The following CHN1 variants were observed in gnomAD, a reference collection of about 807,000 sequenced individuals.
CHN1 encodes the protein N-chimaerin.
In CHN1, 37 loss-of-function variants were observed where a neutral mutation model predicts 59.5. That is an observed-to-expected ratio of 0.62 (90% confidence interval 0.48 to 0.82). The LOEUF (loss-of-function observed/expected upper bound fraction) is 0.82. CHN1 is among the 40% of genes least tolerant of loss of function. The pLI is 0.00. For missense variants in CHN1, 469 were observed against 571.0 expected (o/e 0.82, Z 1.82); for synonymous variants, 206 against 200.4 (o/e 1.03, Z -0.24).
chr2:174,903,601 C>A (rs1688455402), intron 5 of CHN1, among the ~76,000 whole-genome samples: 1 of 151,896 alleles, frequency 6.6e-6, no homozygotes, highest in Admixed American at 6.6e-5. Flanking sequence ...AATTTTTTAA[C>A]CATATCTATG....
intron 6 of CHN1, among the ~76,000 whole-genome samples, chr2:174,860,591 G>A (rs937179634): frequency 6.6e-6 from 1 of 152,104 alleles, no homozygotes; most frequent in Non-Finnish European, 1.5e-5. Flanking sequence ...TAATGAAACT[G>A]TAGCTTCATA....
At chr2:174,990,284 A>C (rs1370321772) in intron 1 of CHN1, among the ~76,000 whole-genome samples, 1 of 91,228 alleles carries the variant, frequency 1.1e-5, no homozygotes, top group Non-Finnish European at 2.2e-5. Flanking sequence ...AGAGAGAGAG[A>C]GAGCGCGAGC....
intron 6 of CHN1, among the ~76,000 whole-genome samples, chr2:174,873,341 T>A (rs1028964210): frequency 2.9e-4 from 44 of 152,098 alleles, no homozygotes; most frequent in African/African-American, 1.0e-3. Flanking sequence ...GAACAAGGAA[T>A]GACAAAAAAG....
At chr2:174,817,206 T>C (rs1209711109) in intron 8 of CHN1, among the ~76,000 whole-genome samples, 2 of 152,254 alleles carry the variant, frequency 1.3e-5, no homozygotes, top group South Asian at 4.1e-4. Flanking sequence ...CCATTATTCA[T>C]TGTATAGACT....
At chr2:174,927,636 C>T (rs886417107) in intron 3 of CHN1, among the ~76,000 whole-genome samples, 1 of 152,042 alleles carries the variant, frequency 6.6e-6, no homozygotes, top group Non-Finnish European at 1.5e-5. Context: ...CAGTTCAAGA[C>T]AGTAGTCCAA....
rs5836474 is a variant in CHN1, at chr2:174,815,589, CTT to C, written c.713-3109_713-3108del. Among the ~76,000 whole-genome samples, 434 of 127,574 alleles carry C rather than the reference CTT, an allele frequency of 3.4e-3. 4 individuals carry two copies. The highest frequency in any genetic ancestry group is 0.011 in the African/African-American group (409 of 35,670). 83.7% of individuals were successfully genotyped at this position (127,574 alleles called of 152,430 possible). A position where few individuals can be genotyped will look rare whatever the true frequency, so the allele number is the denominator to read the frequency against. ...ATATCTATTTCTTTTCGGATATTTC[CTT>C]TTTTTTTTTTTTTCATTTGTTTCAA... On this transcript the variant is annotated intron_variant, in intron 8 of 12. Transcript: ENST00000409900.
At chr2:174,914,472 T>A (rs1406097132) in intron 5 of CHN1, among the ~76,000 whole-genome samples, 1 of 152,094 alleles carries the variant, frequency 6.6e-6, no homozygotes, top group African/African-American at 2.4e-5. Context: ...ATTCAAGAAA[T>A]TGACGGAAGC....
chr2:174,947,389 C>T (rs1689872477), intron 2 of CHN1, among the ~76,000 whole-genome samples: 1 of 152,044 alleles, frequency 6.6e-6, no homozygotes, highest in Non-Finnish European at 1.5e-5. Context: ...AAGGATAAAG[C>T]TCTGTTTCAT....
intron 5 of CHN1, among the ~76,000 whole-genome samples, chr2:174,887,484 T>C (rs1687927227): frequency 6.6e-6 from 1 of 152,124 alleles, no homozygotes. Flanking sequence ...CCAGTGTCTC[T>C]AGGAGGTATT....
intron 6 of CHN1, chr2:174,875,742 G>T: frequency 1.2e-6 from 1 of 825,152 alleles, no homozygotes; most frequent in African/African-American, 1.8e-5. Flanking sequence ...CCATACTAGT[G>T]TCAATAGATA....
intron 1 of CHN1, among the ~76,000 whole-genome samples, chr2:174,975,662 A>C (rs866465155): frequency 1.3e-5 from 2 of 152,196 alleles, no homozygotes; most frequent in African/African-American, 4.8e-5. Flanking sequence ...AAACAAAAAA[A>C]AAAAAAACAG....
intron 5 of CHN1, among the ~76,000 whole-genome samples, chr2:174,906,712 C>T (rs761550175): frequency 6.6e-6 from 1 of 152,124 alleles, no homozygotes; most frequent in African/African-American, 2.4e-5. Context: ...GCTTGGTTGC[C>T]TTCAGTAGAT....
At chr2:175,003,830 T>C (rs1054333378) in intron 1 of CHN1, among the ~76,000 whole-genome samples, 4 of 152,206 alleles carry the variant, frequency 2.6e-5, no homozygotes, top group African/African-American at 9.7e-5. Context: ...ACAACCTCTC[T>C]GGGTCTAAGT....
At chr2:174,952,743 C>A (rs1011837202) in intron 1 of CHN1, among the ~76,000 whole-genome samples, 3 of 152,140 alleles carry the variant, frequency 2.0e-5, no homozygotes, top group Non-Finnish European at 1.5e-5. Context: ...CAATCAAAAC[C>A]AGGAAATGAG....
chr2:174,978,708 T>A (rs1691036788), intron 1 of CHN1, among the ~76,000 whole-genome samples: 1 of 152,254 alleles, frequency 6.6e-6, no homozygotes. Context: ...CAATAAAGAT[T>A]CTGGATTTTA....
At chr2:174,834,848 A>T (rs887332165) in intron 7 of CHN1, among the ~76,000 whole-genome samples, 2 of 152,252 alleles carry the variant, frequency 1.3e-5, no homozygotes, top group African/African-American at 4.8e-5. Flanking sequence ...GAGTGTGAGT[A>T]TGCACATTTA....
intron 3 of CHN1, among the ~76,000 whole-genome samples, chr2:174,932,591 C>T (rs1415796002): frequency 1.3e-5 from 2 of 152,180 alleles, no homozygotes; most frequent in East Asian, 3.9e-4. Context: ...TGGTTTAGAT[C>T]TGTGTCTCCA....
At chr2:174,953,664 A>C (rs1690097849) in intron 1 of CHN1, among the ~76,000 whole-genome samples, 1 of 152,166 alleles carries the variant, frequency 6.6e-6, no homozygotes, top group African/African-American at 2.4e-5. Context: ...TCAATCTCTT[A>C]TACAAAAGCT....
At chr2:174,962,753 T>C (rs1309498447) in intron 1 of CHN1, among the ~76,000 whole-genome samples, 2 of 118,878 alleles carry the variant, frequency 1.7e-5, no homozygotes, top group Non-Finnish European at 3.3e-5. Context: ...CTACTAAAAA[T>C]ACAAAAATTA....
Sources: gnomAD v4.1 joint callset for allele counts (sites outside exome capture counted in the v4.1 genomes callset) on GRCh38, gnomAD v4.1.1 for gene constraint, MANE v1.5 for transcripts, NCBI Gene and HGNC (gene_info 2026-07-23, HGNC 2026-07-21) for gene names.